EIF4ENIF1: variants seen among roughly 807,000 people sequenced by gnomAD.
EIF4ENIF1 encodes the protein eukaryotic translation initiation factor 4E nuclear import factor 1, also known as eukaryotic translation initiation factor 4E transporter.
In EIF4ENIF1, 23 loss-of-function variants were observed where a neutral mutation model predicts 110.5. The ratio of observed to expected loss-of-function variants is 0.21; its 90% CI spans 0.15 to 0.29. The LOEUF (loss-of-function observed/expected upper bound fraction) is 0.29, where lower values mean the gene tolerates loss of function less well. Among genes scored for constraint, EIF4ENIF1 ranks in the 10% least tolerant of loss-of-function variants. EIF4ENIF1 has a pLI of 1.00. For synonymous variants in EIF4ENIF1, 440 were observed against 437.0 expected, an observed-to-expected ratio of 1.01 and a Z score of -0.09; for missense variants, 1,031 against 1,221.1, an observed-to-expected ratio of 0.84 and a Z score of 2.32.
chr22:31,482,165 CAA>C (rs34248099), intron 2 of EIF4ENIF1, among the ~76,000 whole-genome samples: 23 of 115,162 alleles, frequency 2.0e-4, no homozygotes, highest in Admixed American at 3.5e-4. Context: ...GAGCCTGTCT[CAA>C]AAAAAAAAAA....
upstream of EIF4ENIF1, among the ~76,000 whole-genome samples, chr22:31,492,514 G>A (rs1201167640): frequency 6.6e-6 from 1 of 152,104 alleles, no homozygotes; most frequent in African/African-American, 2.4e-5. Context: ...TTAATGTCTT[G>A]TAGAACTTTG....
At chr22:31,440,580 T>C in intron 18 of EIF4ENIF1, 124 bp downstream of exon 18, 1 of 1,223,556 alleles carries the variant, frequency 8.2e-7, no homozygotes. Flanking sequence ...GGTTACACTT[T>C]GTCCCAAACT....
chr22:31,473,806 C>G (rs1455120483), intron 2 of EIF4ENIF1, among the ~76,000 whole-genome samples: 2 of 152,190 alleles, frequency 1.3e-5, no homozygotes, highest in Non-Finnish European at 1.5e-5. Context: ...ACTGCTTTCC[C>G]ATTTGCATTT....
Position 31,464,675 on chromosome 22 carries a change from CAAAAAAAAA to C in EIF4ENIF1, c.299-717_299-709del, listed in dbSNP as rs770904708. On this transcript the variant is annotated intron_variant, in intron 4 of 18. Transcript: ENST00000330125. Reference sequence around the variant, plus strand: ...TGGGCAAAAGACTAAGATTCAGTCTCAAAAAAAAAAAAAAAAAAAAAAAAATATATATAT... The same window carrying C: ...TGGGCAAAAGACTAAGATTCAGTCTCAAAAAAAAAAAAAAAATATATATAT... Among the ~76,000 whole-genome samples, 10 of 30,918 alleles carry C rather than the reference CAAAAAAAAA, an allele frequency of 3.2e-4. No individual in the cohort carries two copies. In the South Asian group the frequency reaches 5.6e-3, roughly 17 times the overall value. 20.3% of individuals were successfully genotyped at this position (30,918 alleles called of 152,430 possible). A position where few individuals can be genotyped will look rare whatever the true frequency, so the allele number is the denominator to read the frequency against.
intron 2 of EIF4ENIF1, among the ~76,000 whole-genome samples, chr22:31,475,522 C>T (rs1052085966): frequency 1.3e-5 from 2 of 151,972 alleles, no homozygotes; most frequent in East Asian, 1.9e-4. Flanking sequence ...GAGGCTGAGG[C>T]AGGCAGATCA....
At chr22:31,478,817 T>C (rs2051694846) in intron 2 of EIF4ENIF1, among the ~76,000 whole-genome samples, 1 of 151,810 alleles carries the variant, frequency 6.6e-6, no homozygotes, top group Admixed American at 6.6e-5. Flanking sequence ...CCGGGCGTGG[T>C]GGCAGGTGCC....
intron 2 of EIF4ENIF1, among the ~76,000 whole-genome samples, chr22:31,473,349 G>T (rs1337426170): frequency 6.6e-6 from 1 of 151,852 alleles, no homozygotes; most frequent in African/African-American, 2.4e-5. Context: ...AGAACTGCCA[G>T]TTTTTTTTAT....
intron 10 of EIF4ENIF1, chr22:31,453,261 G>T (rs1448283701): frequency 6.8e-6 from 2 of 295,118 alleles, no homozygotes; most frequent in African/African-American, 4.4e-5. Flanking sequence ...GTGATATGCA[G>T]TTGTGTCACC....
At chr22:31,454,060 C>A in intron 10 of EIF4ENIF1, 84 bp downstream of exon 10, 2 of 1,279,358 alleles carry the variant, frequency 1.6e-6, no homozygotes, top group Middle Eastern at 1.9e-4. Context: ...ACTCAGAATA[C>A]CTTTTTAAAA....
chr22:31,486,322 G>A (rs759673212), intron 2 of EIF4ENIF1, among the ~76,000 whole-genome samples: 1 of 152,098 alleles, frequency 6.6e-6, no homozygotes, highest in Non-Finnish European at 1.5e-5. Flanking sequence ...AAATTAGCTG[G>A]GTGTGGCAGC....
chr22:31,440,375 C>T (rs958673788), intron 18 of EIF4ENIF1, among the ~76,000 whole-genome samples: 3 of 152,140 alleles, frequency 2.0e-5, no homozygotes, highest in African/African-American at 7.2e-5. Flanking sequence ...GTAACCACAT[C>T]ACAGAAGCAG....
rs778348316 is a variant in EIF4ENIF1 at position 31,448,197 on chromosome 22, G to A, written c.1804C>T (p.Pro602Ser). 18 of 1,614,080 alleles carry A rather than the reference G, an allele frequency of 1.1e-5. No homozygotes were observed. The Admixed American group carries it at 2.7e-4, about 24-fold the overall frequency. Residue 602 changes from proline to serine, a missense_variant, in exon 13 of 19, where the codon CCA (proline) becomes TCA (serine). Pro to Ser is a moderately conservative substitution (Grantham distance 74). Transcript: ENST00000330125. ...ATGGGTTTGCGCATGCCTTGGAATGGATCTCCGAGTAGCTGCTGTGGTCCT... is the reference window on the plus strand; with the variant it reads ...ATGGGTTTGCGCATGCCTTGGAATGAATCTCCGAGTAGCTGCTGTGGTCCT... ...TPGPQQLLGDPFQGMRKPMSP... is the reference protein window; with the variant it reads ...TPGPQQLLGDSFQGMRKPMSP...
Position 31,482,271 on chromosome 22 carries a change from T to A in EIF4ENIF1, c.96+6352A>T, listed in dbSNP as rs115946750. On this transcript the variant is annotated intron_variant, in intron 2 of 18. Coordinates refer to ENST00000330125, the MANE Select transcript of EIF4ENIF1 (RefSeq NM_019843.4). ...CTGGTCAGTATCAAGCTGAATGTTCTGAGTGTCTCTGCTTTTATTCCCTGT... is the reference window on the plus strand; with the variant it reads ...CTGGTCAGTATCAAGCTGAATGTTCAGAGTGTCTCTGCTTTTATTCCCTGT... 5.9e-3 allele frequency among the ~76,000 whole-genome samples: 899 copies of A among 152,354 alleles called. 12 individuals carry two copies. The highest frequency in any genetic ancestry group is 0.02 in the African/African-American group (846 of 41,584).
intron 6 of EIF4ENIF1, among the ~76,000 whole-genome samples, chr22:31,462,371 T>C (rs2051023233): frequency 6.6e-6 from 1 of 151,666 alleles, no homozygotes; most frequent in South Asian, 2.1e-4. Flanking sequence ...TAATCCCAGC[T>C]ACTCGGGAGG....
At chr22:31,450,415 G>A (rs569098662) in intron 10 of EIF4ENIF1, 55 bp from the exon 11 acceptor site, 2 of 1,392,874 alleles carry the variant, frequency 1.4e-6, no homozygotes, top group African/African-American at 2.8e-5. Flanking sequence ...TTAACTTACA[G>A]ATTGATTGGG....
intron 2 of EIF4ENIF1, among the ~76,000 whole-genome samples, chr22:31,472,886 C>T (rs1374655746): frequency 6.6e-6 from 1 of 152,142 alleles, no homozygotes; most frequent in African/African-American, 2.4e-5. Flanking sequence ...ACCACAGCCA[C>T]TCTGCTCTGC....
At chr22:31,466,572 ACT>A (rs2051195779) in intron 4 of EIF4ENIF1, among the ~76,000 whole-genome samples, 1 of 142,458 alleles carries the variant, frequency 7.0e-6, no homozygotes, top group African/African-American at 2.6e-5. Context: ...ACAGAGGGAG[ACT>A]CTGTCTCAAA....
intron 2 of EIF4ENIF1, among the ~76,000 whole-genome samples, chr22:31,485,859 T>C (rs890291218): frequency 6.6e-6 from 1 of 152,014 alleles, no homozygotes; most frequent in African/African-American, 2.4e-5. Context: ...CTCACACCTA[T>C]AATCCCAGCA....
intron 2 of EIF4ENIF1, among the ~76,000 whole-genome samples, chr22:31,478,859 G>T (rs2051696655): frequency 6.6e-6 from 1 of 151,538 alleles, no homozygotes; most frequent in Non-Finnish European, 1.5e-5. Flanking sequence ...GGCTGAGGCA[G>T]GAGAATAGCG....
Sources: allele counts gnomAD v4.1 joint callset (sites outside exome capture counted in the v4.1 genomes callset), GRCh38; gene constraint gnomAD v4.1.1; transcripts MANE v1.5; gene names NCBI Gene and HGNC (gene_info 2026-07-23, HGNC 2026-07-21).